Variants in ADCY1 observed in about 807,000 individuals in gnomAD.
ADCY1 encodes the protein adenylate cyclase type 1.
Under a neutral mutation model 105.4 loss-of-function variants are expected in ADCY1, and 28 were observed. That is an observed-to-expected ratio of 0.27 (90% CI 0.20 to 0.36). The LOEUF (loss-of-function observed/expected upper bound fraction) is 0.36, where lower values mean the gene tolerates loss of function less well. Among genes scored for constraint, ADCY1 ranks in the 10% least tolerant of loss-of-function variants. ADCY1 has a pLI of 1.00. For missense variants in ADCY1, 977 were observed against 1,434.2 expected (o/e 0.68, Z 5.15); for synonymous variants, 655 against 623.8 (o/e 1.05, Z -0.75).
intron 8 of ADCY1, among the ~76,000 whole-genome samples, chr7:45,671,840 G>A (rs556810969): frequency 1.3e-5 from 2 of 152,124 alleles, no homozygotes; most frequent in East Asian, 3.9e-4. Flanking sequence ...CGATTCTTTT[G>A]TTAGAGGTGT....
intron 7 of ADCY1, among the ~76,000 whole-genome samples, chr7:45,661,659 C>T (rs1795109554): frequency 6.6e-6 from 1 of 152,134 alleles, no homozygotes; most frequent in African/African-American, 2.4e-5. Flanking sequence ...CAGCCCTCCC[C>T]ATCCTCCCCA....
At chr7:45,665,627 C>T (rs1487007886) in intron 8 of ADCY1, among the ~76,000 whole-genome samples, 1 of 152,232 alleles carries the variant, frequency 6.6e-6, no homozygotes. Flanking sequence ...AAATGTTTGC[C>T]ATTTTGTATT....
chr7:45,676,168 T>G (rs10243170), intron 8 of ADCY1, among the ~76,000 whole-genome samples: 30,631 of 151,940 alleles, frequency 0.2, 4,066 homozygotes, highest in East Asian at 0.52. Flanking sequence ...AGCTCATCCA[T>G]TAGGTTTTAA....
intron 14 of ADCY1, among the ~76,000 whole-genome samples, chr7:45,694,869 T>C (rs1485989146): frequency 3.3e-5 from 5 of 152,246 alleles, no homozygotes; most frequent in Admixed American, 1.3e-4. Flanking sequence ...CAGCATTGCA[T>C]GAACTTTGGG....
At chr7:45,632,440 C>T (rs1055579847) in intron 4 of ADCY1, among the ~76,000 whole-genome samples, 3 of 151,674 alleles carry the variant, frequency 2.0e-5, no homozygotes, top group African/African-American at 7.3e-5. Context: ...AAATAGTCTT[C>T]TGATTCACGA....
In ADCY1 at chr7:45,677,932, G is replaced by A. The variant is rs1313584275; in HGVS notation, c.1669G>A (p.Val557Ile). The A allele has an allele frequency of 1.2e-6, 2 of 1,614,086 alleles. No individual in the cohort carries two copies. The highest frequency in any genetic ancestry group is 2.2e-5 in the South Asian group (2 of 91,076). The change falls in exon 9 of 20, where the codon GTC (valine) becomes ATC (isoleucine). Residue 557 changes from valine (V) to isoleucine (I), a missense_variant. By Grantham distance (29) the Val-to-Ile change is conservative. This residue lies in a region of ADCY1 where 275 missense variants were observed against 362.1 expected (regional missense o/e 0.76). Transcript: ENST00000297323. ...CCGCTCATCTTTTTCTACCAACGTT[G>A]TCTACACCACCCCGGGCACTCGCGT... ...RNRSSFSTNV[V>I]YTTPGTRVNR...
intron 8 of ADCY1, among the ~76,000 whole-genome samples, chr7:45,666,898 A>T (rs1784272500): frequency 6.6e-6 from 1 of 152,062 alleles, no homozygotes; most frequent in Non-Finnish European, 1.5e-5. Context: ...GCATTTTTTC[A>T]TGTGTTTTTT....
intron 8 of ADCY1, among the ~76,000 whole-genome samples, chr7:45,676,386 G>A (rs972612842): frequency 1.3e-5 from 2 of 151,998 alleles, no homozygotes; most frequent in Non-Finnish European, 2.9e-5. Flanking sequence ...TCTTTCTCAA[G>A]TTGACATTTT....
At chr7:45,704,642 T>C (rs778648163) in intron 17 of ADCY1, 26 bp downstream of exon 17, 1 of 1,596,820 alleles carries the variant, frequency 6.3e-7, no homozygotes. Context: ...CGCTGCCTGC[T>C]TGGGGACTGG....
intron 4 of ADCY1, among the ~76,000 whole-genome samples, chr7:45,636,266 G>A (rs1232585949): frequency 6.6e-6 from 1 of 152,152 alleles, no homozygotes; most frequent in Non-Finnish European, 1.5e-5. Context: ...CATAGTATTT[G>A]CATATAACCT....
At chr7:45,633,974 T>G (rs1323711368) in intron 4 of ADCY1, among the ~76,000 whole-genome samples, 1 of 152,144 alleles carries the variant, frequency 6.6e-6, no homozygotes. Context: ...TTGGTAGCTA[T>G]GTTTTTGGGG....
chr7:45,721,994 C>T lies in ADCY1; in HGVS notation c.*7999C>T, dbSNP rs1785483108. On this transcript the variant is annotated 3_prime_UTR_variant, in exon 20 of 20. Transcript: ENST00000297323. ...AGGACTGTGCAACAGTAGCCCAGAG[C>T]ATCCTGCCTGTGGGCATCCACCTCC... The T allele has an allele frequency of 7.6e-6, 3 of 395,170 alleles. No individual in the cohort carries two copies. Among genetic ancestry groups the T allele is most frequent in the Non-Finnish European group, 1.3e-5 (3 of 224,218 alleles). The allele number at this position is 395,170 out of a possible 1,614,324, so 24.5% of individuals were successfully genotyped here. A position where few individuals can be genotyped will look rare whatever the true frequency, so the allele number is the denominator to read the frequency against.
chr7:45,682,981 A>G (rs1204530000), intron 11 of ADCY1, among the ~76,000 whole-genome samples: 1 of 152,084 alleles, frequency 6.6e-6, no homozygotes, highest in African/African-American at 2.4e-5. Flanking sequence ...CGGTCAGGAA[A>G]TGGTGCCTGC....
In ADCY1 at chr7:45,686,477, G is replaced by C; in HGVS notation, c.2328-70G>C. On this transcript the variant is annotated intron_variant, in intron 13 of 19. Transcript: ENST00000297323. This position sits in a 1 kb window ranked among gnomAD's most constrained non-coding sequence, Gnocchi z 4.3. Reference sequence around the variant, plus strand: ...CTGAGGGTCACTCTGAACAGTTCTTGGGTTTGGTGGCAGAGTCTTGCCCTG... The same window carrying C: ...CTGAGGGTCACTCTGAACAGTTCTTCGGTTTGGTGGCAGAGTCTTGCCCTG... 2 of 1,555,198 alleles carry C rather than the reference G, an allele frequency of 1.3e-6. No homozygotes were observed. Among genetic ancestry groups the C allele is most frequent in the South Asian group, 2.5e-5 (2 of 81,214 alleles).
intron 14 of ADCY1, among the ~76,000 whole-genome samples, chr7:45,697,677 AC>A: frequency 6.6e-6 from 1 of 152,348 alleles, no homozygotes; most frequent in Non-Finnish European, 1.5e-5. Flanking sequence ...GGCGTAAGCC[AC>A]TGCGCCCAGC....
At chr7:45,601,662 T>C (rs1043821514) in intron 2 of ADCY1, among the ~76,000 whole-genome samples, 20 of 152,130 alleles carry the variant, frequency 1.3e-4, no homozygotes, top group African/African-American at 4.8e-4. Context: ...TTGAGTGTGA[T>C]TGGGGAATTG....
chr7:45,658,116 A>G (rs1794989576), intron 6 of ADCY1, among the ~76,000 whole-genome samples: 1 of 152,182 alleles, frequency 6.6e-6, no homozygotes, highest in Non-Finnish European at 1.5e-5. Flanking sequence ...GCGCACATCT[A>G]CAAAAAGCTG....
rs2115772805 is a variant in ADCY1 at position 45,591,765 on chromosome 7, G to A, written c.640-994G>A. On this transcript the variant is annotated intron_variant, in intron 1 of 19. Transcript: ENST00000297323. The surrounding 1 kb of genome is among the most constrained non-coding windows in gnomAD (Gnocchi z 4.1). ...GACAGATCAGATGAGGAGACCGGCA[G>A]CAGGCAGTGGGGAGTGGGAAGTGAT... 6.6e-6 allele frequency among the ~76,000 whole-genome samples: 1 copy of A among 152,352 alleles called. No individual in the cohort carries two copies. Among genetic ancestry groups the A allele is most frequent in the East Asian group, 1.9e-4 (1 of 5,182 alleles).
intron 4 of ADCY1, among the ~76,000 whole-genome samples, chr7:45,632,816 C>T (rs182005209): frequency 1.6e-4 from 24 of 152,022 alleles, no homozygotes; most frequent in East Asian, 5.9e-4. Context: ...GAGATACTCT[C>T]GCCTTGGCCT....
Sources: gnomAD v4.1 joint callset for allele counts (sites outside exome capture counted in the v4.1 genomes callset) on GRCh38, gnomAD v4.1.1 for gene constraint, gnomAD v4.1.1 regional missense constraint, Gnocchi (gnomAD v3.1) non-coding constraint, MANE v1.5 for transcripts, NCBI Gene and HGNC (gene_info 2026-07-23, HGNC 2026-07-21) for gene names.